The following AK9 variants were observed in gnomAD, a reference collection of about 807,000 sequenced individuals.
AK9 encodes adenylate kinase domain containing 1.
In AK9, 191 loss-of-function variants were observed where a neutral mutation model predicts 239.6. The observed-to-expected ratio is 0.80, with a 90% CI of 0.71 to 0.90. AK9 has a LOEUF of 0.90. Ranked by LOEUF, AK9 falls within the 40% of genes least tolerant of loss-of-function variation. AK9 has a pLI of 0.00. For missense variants in AK9, 1,995 were observed against 2,214.7 expected (o/e 0.90, Z 1.99); for synonymous variants, 689 against 721.0 (o/e 0.96, Z 0.71).
chr6:109,630,029 C>A (rs910906263), intron 12 of AK9, among the ~76,000 whole-genome samples: 1 of 152,058 alleles, frequency 6.6e-6, no homozygotes, highest in East Asian at 1.9e-4. Flanking sequence ...AATTATAAGA[C>A]CCTTGCACTA....
At chr6:109,633,362 A>C in intron 10 of AK9, 39 bp from the exon 11 acceptor site, 1 of 1,565,250 alleles carries the variant, frequency 6.4e-7, no homozygotes, top group Non-Finnish European at 8.6e-7. Flanking sequence ...TATGGGCATA[A>C]ATTTTGCTGA....
intron 25 of AK9, among the ~76,000 whole-genome samples, chr6:109,548,876 T>C (rs1485292005): frequency 6.6e-6 from 1 of 152,114 alleles, no homozygotes; most frequent in African/African-American, 2.4e-5. Flanking sequence ...CAAAGCACAA[T>C]CAAAGCAATG....
chr6:109,610,266 A>G (rs1400058672), intron 17 of AK9, 99 bp downstream of exon 17: 10 of 1,388,406 alleles, frequency 7.2e-6, no homozygotes, highest in African/African-American at 1.5e-5. Flanking sequence ...TACAAATTTC[A>G]ACATCATAAG....
At chr6:109,520,032 T>C (rs1779674475) in intron 29 of AK9, among the ~76,000 whole-genome samples, 3 of 152,196 alleles carry the variant, frequency 2.0e-5, no homozygotes, top group South Asian at 2.1e-4. Context: ...TTGTGAATAT[T>C]TTCTCCTATT....
chr6:109,585,871 T>G, intron 18 of AK9, 45 bp downstream of exon 18: 1 of 1,505,232 alleles, frequency 6.6e-7, no homozygotes, highest in East Asian at 2.5e-5. Context: ...AAAATATCAA[T>G]AACAAAACTT....
In AK9 at chr6:109,650,480, A is replaced by C. The variant is rs551447131; in HGVS notation, c.760-5792T>G. ...CTGCAGCCAACAGACACATGAAAAA[A>C]TGATCATCATCACTGGCCGTCCAAG... is the stretch of plus-strand genomic sequence containing the variant. On this transcript the variant is annotated intron_variant, in intron 8 of 40. Transcript: ENST00000424296. Among the ~76,000 whole-genome samples the C allele has an allele frequency of 5.9e-5, 9 of 152,038 alleles. No individual in the cohort carries two copies. In the East Asian group the frequency reaches 9.7e-4, roughly 16 times the overall value.
At chr6:109,636,750 T>TCTCA (rs1554278040) in intron 10 of AK9, among the ~76,000 whole-genome samples, 1 of 135,472 alleles carries the variant, frequency 7.4e-6, no homozygotes, top group African/African-American at 2.8e-5. Context: ...TAATATTCCA[T>TCTCA]CACACACACA....
intron 17 of AK9, among the ~76,000 whole-genome samples, chr6:109,602,187 G>T (rs1158318494): frequency 2.0e-5 from 3 of 152,178 alleles, no homozygotes; most frequent in Non-Finnish European, 4.4e-5. Flanking sequence ...TTTACAATTT[G>T]GCATGTTTTT....
At chr6:109,511,054 C>A (rs959094572) in intron 32 of AK9, among the ~76,000 whole-genome samples, 1 of 142,316 alleles carries the variant, frequency 7.0e-6, no homozygotes, top group African/African-American at 2.7e-5. Flanking sequence ...TGAACCAAAT[C>A]TGCTTGTTTT....
chr6:109,638,409 G>C (rs548908693), intron 10 of AK9, among the ~76,000 whole-genome samples: 219 of 152,256 alleles, frequency 1.4e-3, no homozygotes, highest in African/African-American at 4.9e-3. Context: ...ATAACAAAAT[G>C]ACCTCTTTCT....
chr6:109,497,362 ACTCTCTCTCTCTCTCTCT>A, intron 38 of AK9, 85 bp downstream of exon 38: 10 of 496,002 alleles, frequency 2.0e-5, no homozygotes, highest in East Asian at 4.4e-5. Flanking sequence ...ACACACACAC[ACTCTCTCTCTCTCTCTCT>A]CTCTCACACA....
At chr6:109,562,486 C>T (rs1033702714) in intron 24 of AK9, among the ~76,000 whole-genome samples, 1 of 152,180 alleles carries the variant, frequency 6.6e-6, no homozygotes, top group African/African-American at 2.4e-5. Flanking sequence ...ATTACTTTTT[C>T]TCCTCATTGT....
chr6:109,647,605 T>G (rs1036152740), intron 8 of AK9, among the ~76,000 whole-genome samples: 3 of 152,174 alleles, frequency 2.0e-5, no homozygotes, highest in African/African-American at 7.2e-5. Flanking sequence ...CTTAGTGACT[T>G]ACAAAGAAAC....
chr6:109,671,796 G>C, intron 5 of AK9, 123 bp downstream of exon 5: 1 of 724,096 alleles, frequency 1.4e-6, no homozygotes, highest in African/African-American at 1.8e-5. Flanking sequence ...CAACTGAATA[G>C]AGATAATGAG....
At chr6:109,527,813 C>G (rs572845206) in intron 29 of AK9, 2 of 151,942 alleles carry the variant, frequency 1.3e-5, no homozygotes, top group Non-Finnish European at 2.9e-5. Flanking sequence ...AGAAATCACA[C>G]CATTCTAATG....
At chr6:109,670,436 G>A (rs921256579) in intron 5 of AK9, among the ~76,000 whole-genome samples, 4 of 152,038 alleles carry the variant, frequency 2.6e-5, no homozygotes, top group African/African-American at 7.2e-5. Context: ...TAGATGAAAC[G>A]AGATTAGACT....
chr6:109,688,632 C>G (rs951728275), intron 1 of AK9, among the ~76,000 whole-genome samples: 6 of 152,218 alleles, frequency 3.9e-5, no homozygotes, highest in African/African-American at 1.4e-4. Flanking sequence ...TGACCCCTCT[C>G]ACTAATACTC....
At chr6:109,663,518 C>T (rs1462979281) in intron 5 of AK9, among the ~76,000 whole-genome samples, 1 of 152,102 alleles carries the variant, frequency 6.6e-6, no homozygotes, top group African/African-American at 2.4e-5. Flanking sequence ...AAGTGAAAAT[C>T]TGAATTTTGA....
Position 109,638,958 on chromosome 6 carries a change from A to G in AK9, c.933+2560T>C, listed in dbSNP as rs1275886981. Among the ~76,000 whole-genome samples the G allele has an allele frequency of 5.9e-5, 9 of 152,116 alleles. No homozygotes were observed. The South Asian group carries it at 1.5e-3, about 25-fold the overall frequency. ...ACAATGATTGTTTCCAGTTTCATCCATGTCCCTGCAAAGGACATGAACTCA... is the reference window on the plus strand; with the variant it reads ...ACAATGATTGTTTCCAGTTTCATCCGTGTCCCTGCAAAGGACATGAACTCA... On this transcript the variant is annotated intron_variant, in intron 10 of 40. Transcript: ENST00000424296.
Sources: gnomAD v4.1 joint callset for allele counts (sites outside exome capture counted in the v4.1 genomes callset) on GRCh38, gnomAD v4.1.1 for gene constraint, MANE v1.5 for transcripts, NCBI Gene and HGNC (gene_info 2026-07-23, HGNC 2026-07-21) for gene names.